C11orf65: variants seen among roughly 807,000 people sequenced by gnomAD.
The protein encoded by C11orf65 is protein MFI.
In C11orf65, 38 loss-of-function variants were observed where a neutral mutation model predicts 35.3. The ratio of observed to expected loss-of-function variants is 1.08; its 90% confidence interval spans 0.83 to 1.41. The LOEUF is 1.41. Ranked by LOEUF, C11orf65 falls within the 40% of genes most tolerant of loss-of-function variation. The pLI, the probability that C11orf65 is intolerant of heterozygous loss-of-function variation, is 0.00. For synonymous variants in C11orf65, 105 were observed against 114.4 expected, an observed-to-expected ratio of 0.92 and a Z score of 0.53; for missense variants, 370 against 367.1, an observed-to-expected ratio of 1.01 and a Z score of -0.06.
intron 2 of C11orf65, chr11:108,336,136 A>G (rs1295242774): frequency 1.8e-6 from 1 of 558,106 alleles, no homozygotes; most frequent in Non-Finnish European, 3.2e-6. Context: ...ATCTTGACAA[A>G]AAGTTAAAAA....
At chr11:108,412,048 T>C (rs1006357015) in intron 3 of C11orf65, among the ~76,000 whole-genome samples, 2 of 152,180 alleles carry the variant, frequency 1.3e-5, no homozygotes, top group Non-Finnish European at 2.9e-5. Flanking sequence ...AGTGTTGGGA[T>C]TACAGGTGTG....
intron 3 of C11orf65, among the ~76,000 whole-genome samples, chr11:108,415,406 T>A (rs1281623767): frequency 4.6e-5 from 7 of 151,922 alleles, no homozygotes; most frequent in East Asian, 1.9e-4. Context: ...ACAAAATATA[T>A]AAAAATCGAT....
upstream of C11orf65, chr11:108,467,665 A>C (rs2093556971): frequency 6.6e-6 from 1 of 152,076 alleles, no homozygotes; most frequent in Non-Finnish European, 1.5e-5. Flanking sequence ...GTTCTGTTAG[A>C]AGCCCGCTTT....
chr11:108,318,380 A>T (rs557717134), intron 6 of C11orf65, among the ~76,000 whole-genome samples: 2 of 151,368 alleles, frequency 1.3e-5, no homozygotes, highest in South Asian at 2.1e-4. Context: ...TAAATAAAAT[A>T]AAAAAAATAA....
chr11:108,460,446 G>A (rs985613433), intron 2 of C11orf65, among the ~76,000 whole-genome samples: 9 of 152,120 alleles, frequency 5.9e-5, no homozygotes, highest in Non-Finnish European at 1.2e-4. Flanking sequence ...AAGTGACCAC[G>A]ACATTAACCC....
Position 108,325,403 on chromosome 11 carries a change from T to C in C11orf65, c.641-16332A>G, listed in dbSNP as rs1591128954. ...ACAGTGATTTTAGTTTTCAGGAGCC[T>C]ATCATGGCTCTACGCACAGTCATTT... is the stretch of plus-strand genomic sequence containing the variant. On this transcript the variant is annotated intron_variant, in intron 6 of 6. Coordinates refer to the C11orf65 transcript ENST00000525729. 3 of 1,613,850 alleles carry C rather than the reference T, an allele frequency of 1.9e-6. No individual in the cohort carries two copies. The highest frequency in any genetic ancestry group is 2.5e-6 in the Non-Finnish European group (3 of 1,179,852).
chr11:108,421,349 C>T (rs985795142), intron 3 of C11orf65, among the ~76,000 whole-genome samples: 3 of 152,208 alleles, frequency 2.0e-5, no homozygotes, highest in Non-Finnish European at 4.4e-5. Context: ...CGGGGAACTG[C>T]CAGACAAATC....
chr11:108,379,072 T>C (rs1196720577), downstream of C11orf65, among the ~76,000 whole-genome samples: 5 of 152,120 alleles, frequency 3.3e-5, no homozygotes, highest in African/African-American at 1.2e-4. Context: ...AGTGTGGCGA[T>C]TCCTCGGGGA....
intron 2 of C11orf65, among the ~76,000 whole-genome samples, chr11:108,362,569 A>T (rs1166526720): frequency 6.7e-6 from 1 of 150,206 alleles, no homozygotes; most frequent in Non-Finnish European, 1.5e-5. Context: ...ACAATGATAG[A>T]CTGGATTAAG....
intron 2 of C11orf65, chr11:108,365,544 T>C (rs2091267077): frequency 1.9e-6 from 3 of 1,600,158 alleles, no homozygotes; most frequent in Non-Finnish European, 2.6e-6. Context: ...ATTCAGCCTT[T>C]AGAAATTATA....
intron 7 of C11orf65, among the ~76,000 whole-genome samples, chr11:108,391,272 T>C (rs1055119586): frequency 1.3e-5 from 2 of 152,256 alleles, no homozygotes; most frequent in African/African-American, 4.8e-5. Flanking sequence ...TTAAGCAGCT[T>C]TATTGAGGTA....
Position 108,317,654 on chromosome 11 carries a change from C to T in C11orf65, c.641-8583G>A, listed in dbSNP as rs7942533. On this transcript the variant is annotated intron_variant, in intron 6 of 6. Transcript: ENST00000525729. ...ATATATATATATATATATATATATA[C>T]ACACACACACACACACACACTATAT... 0.019 allele frequency: 2,503 copies of T among 132,446 alleles called. 45 individuals are homozygous for T. The highest frequency in any genetic ancestry group is 0.086 in the African/African-American group (1,528 of 17,790). 8.2% of individuals were successfully genotyped at this position (132,446 alleles called of 1,614,324 possible). A position where few individuals can be genotyped will look rare whatever the true frequency, so the allele number is the denominator to read the frequency against.
rs2091314734 is a variant in C11orf65 at position 108,366,113 on chromosome 11, G to A, written c.226+27095C>T. 5.3e-6 allele frequency: 1 copy of A among 188,658 alleles called. No individual in the cohort carries two copies. The highest frequency in any genetic ancestry group is 1.1e-5 in the Non-Finnish European group (1 of 90,290). The allele number at this position is 188,658 out of a possible 1,614,324, so 11.7% of individuals were successfully genotyped here. On this transcript the variant is annotated intron_variant, in intron 2 of 3. Coordinates refer to the C11orf65 transcript ENST00000524755. ...TGTTACTAAATAATGAAGTTGTTAT[G>A]GAGAACAAATTTCAAAGACACAGTT...
At chr11:108,427,721 CAAAAAAA>C (rs1176005299) in intron 3 of C11orf65, among the ~76,000 whole-genome samples, 3 of 40,738 alleles carry the variant, frequency 7.4e-5, no homozygotes, top group Admixed American at 5.7e-4. Context: ...AACTCCGCCT[CAAAAAAA>C]AAAAAAAAAA....
intron 2 of C11orf65, among the ~76,000 whole-genome samples, chr11:108,356,834 T>A (rs1434334752): frequency 6.6e-6 from 1 of 152,192 alleles, no homozygotes; most frequent in African/African-American, 2.4e-5. Context: ...CCTTTGCCAT[T>A]GTAAGGACTT....
upstream of C11orf65, among the ~76,000 whole-genome samples, chr11:108,469,191 G>C (rs2093562861): frequency 6.7e-6 from 1 of 150,278 alleles, no homozygotes; most frequent in Non-Finnish European, 1.5e-5. Flanking sequence ...ACTTCAGCCT[G>C]GCAACACAGC....
chr11:108,402,297 A>G, intron 6 of C11orf65, among the ~76,000 whole-genome samples: 1 of 152,202 alleles, frequency 6.6e-6, no homozygotes, highest in East Asian at 1.9e-4. Flanking sequence ...GGCACTTTGG[A>G]AGTTCAAGAT....
intron 2 of C11orf65, among the ~76,000 whole-genome samples, chr11:108,358,026 C>G (rs2090235223): frequency 7.0e-6 from 1 of 143,640 alleles, no homozygotes; most frequent in Admixed American, 7.0e-5. Flanking sequence ...AAACCAAAGG[C>G]AAATAAGTTG....
chr11:108,405,386 C>A, intron 6 of C11orf65, 43 bp downstream of exon 6: 1 of 1,588,088 alleles, frequency 6.3e-7, no homozygotes. Context: ...GTTTTTTTCC[C>A]AAAATACTAC....
Sources: gnomAD v4.1 joint callset for allele counts (sites outside exome capture counted in the v4.1 genomes callset) on GRCh38, gnomAD v4.1.1 for gene constraint, MANE v1.5 for transcripts, NCBI Gene and HGNC (gene_info 2026-07-23, HGNC 2026-07-21) for gene names.